The following COBL variants were observed in gnomAD, a reference collection of about 807,000 sequenced individuals.
COBL encodes the protein cordon-bleu WH2 repeat protein.
In COBL, 51 loss-of-function variants were observed where a neutral mutation model predicts 98.8. The observed-to-expected ratio is 0.52, with a 90% CI of 0.41 to 0.65. The LOEUF is 0.65. Among genes scored for constraint, COBL ranks in the 30% least tolerant of loss-of-function variants. COBL has a pLI of 0.00. For missense variants in COBL, 1,617 were observed against 1,617.5 expected, an observed-to-expected ratio of 1.00 and a Z score of 0.01; for synonymous variants, 634 against 651.7, an observed-to-expected ratio of 0.97 and a Z score of 0.41.
Position 51,115,460 on chromosome 7 carries a change from A to G in COBL, c.957+20698T>C, listed in dbSNP as rs1451216689. ...GTAGCTAGATCCCACAAATTTTAAT[A>G]TATTGTATATTTTTTCCTTCAGTTC... On this transcript the variant is annotated intron_variant, in intron 6 of 12. Transcript: ENST00000265136. Among the ~76,000 whole-genome samples, 3 of 152,068 alleles carry G rather than the reference A, an allele frequency of 2.0e-5. No individual in the cohort carries two copies. The East Asian group carries it at 5.8e-4, about 29-fold the overall frequency.
chr7:51,311,960 G>A (rs969187086), intron 1 of COBL, among the ~76,000 whole-genome samples: 2 of 151,666 alleles, frequency 1.3e-5, no homozygotes, highest in South Asian at 2.1e-4. Context: ...ATTAACCAAC[G>A]CATAAAACCT....
At chr7:51,184,286 T>C in intron 4 of COBL, 87 bp from the exon 5 acceptor site, 1 of 722,168 alleles carries the variant, frequency 1.4e-6, no homozygotes, top group Non-Finnish European at 2.2e-6. Context: ...AAATGAATCC[T>C]CTACTCTTAA....
At chr7:51,286,261 C>T (rs1800349846) in intron 1 of COBL, among the ~76,000 whole-genome samples, 3 of 148,916 alleles carry the variant, frequency 2.0e-5, no homozygotes, top group Non-Finnish European at 4.5e-5. Context: ...AAAAGCTGTA[C>T]TTCTTCATAA....
chr7:51,274,462 T>C (rs1799098834), intron 1 of COBL, among the ~76,000 whole-genome samples: 2 of 152,180 alleles, frequency 1.3e-5, no homozygotes, highest in African/African-American at 4.8e-5. Flanking sequence ...TAGTCTTTGC[T>C]TTCAAAGAAA....
intron 6 of COBL, among the ~76,000 whole-genome samples, chr7:51,116,876 TCCCATTGTTA>T: frequency 6.6e-6 from 1 of 152,274 alleles, no homozygotes; most frequent in Non-Finnish European, 1.5e-5. Flanking sequence ...TTTAAAGATG[TCCCATTGTTA>T]CCCAGATTCT....
At chr7:51,276,598 T>C (rs1425366718) in intron 1 of COBL, among the ~76,000 whole-genome samples, 2 of 152,238 alleles carry the variant, frequency 1.3e-5, no homozygotes, top group African/African-American at 4.8e-5. Context: ...CGCCAGGGAC[T>C]GCACAAGGTG....
intron 12 of COBL, among the ~76,000 whole-genome samples, chr7:51,022,169 C>T (rs896092822): frequency 9.9e-5 from 15 of 152,182 alleles, no homozygotes; most frequent in African/African-American, 3.6e-4. Context: ...AGCCAAGGAA[C>T]TCAGGGCCCA....
rs80040419 is a variant in COBL at position 51,161,171 on chromosome 7, A to G, written c.783+22931T>C. On this transcript the variant is annotated intron_variant, in intron 5 of 12. Coordinates refer to ENST00000265136, the MANE Select transcript of COBL (RefSeq NM_015198.5). ...CAGATTTGAGCTTTTCCAGGCCCAG[A>G]AAAGCTCGCGAGGGGATTTGCTGTG... is the stretch of plus-strand genomic sequence containing the variant. 8.3e-3 allele frequency among the ~76,000 whole-genome samples: 1,257 copies of G among 152,296 alleles called. 68 individuals carry two copies. In the South Asian group the frequency reaches 0.14, roughly 17 times the overall value.
In COBL at chr7:51,064,912, G is replaced by C. The variant is rs971994094; in HGVS notation, c.1096+20254C>G. On this transcript the variant is annotated intron_variant, in intron 7 of 12. Coordinates refer to ENST00000265136, the MANE Select transcript of COBL (RefSeq NM_015198.5). ...CTCCAGGGCCCTGCTGCCTGGAAAG[G>C]ATGCAGTGCGGTCTGTGGTGACGGG... The C allele has an allele frequency of 8.6e-5, 46 of 537,772 alleles. No homozygotes were observed. In the East Asian group the frequency reaches 1.3e-3, roughly 15 times the overall value. 33.3% of individuals were successfully genotyped at this position (537,772 alleles called of 1,614,324 possible).
intron 1 of COBL, among the ~76,000 whole-genome samples, chr7:51,280,483 G>A (rs1052247125): frequency 6.6e-6 from 1 of 152,210 alleles, no homozygotes; most frequent in African/African-American, 2.4e-5. Flanking sequence ...GTGGTCCCAA[G>A]AGGATGGAGT....
At chr7:51,183,840 T>C (rs551682640) in intron 5 of COBL, among the ~76,000 whole-genome samples, 42 of 152,348 alleles carry the variant, frequency 2.8e-4, no homozygotes, top group Non-Finnish European at 5.0e-4. Context: ...GAAGGGCTCA[T>C]GGCCCCGGTC....
chr7:51,088,123 A>G (rs1794458849), intron 6 of COBL, among the ~76,000 whole-genome samples: 1 of 152,086 alleles, frequency 6.6e-6, no homozygotes, highest in South Asian at 2.1e-4. Flanking sequence ...CATGATGGCA[A>G]GTGCTGGGTG....
At chr7:51,105,034 C>CAAAATTTT (rs1796134346) in intron 6 of COBL, among the ~76,000 whole-genome samples, 1 of 151,894 alleles carries the variant, frequency 6.6e-6, no homozygotes, top group African/African-American at 2.4e-5. Flanking sequence ...CGGGGTATAA[C>CAAAATTTT]CTTAAAGGAA....
chr7:51,222,268 A>G (rs1793727561), intron 1 of COBL, among the ~76,000 whole-genome samples: 1 of 152,082 alleles, frequency 6.6e-6, no homozygotes, highest in Non-Finnish European at 1.5e-5. Flanking sequence ...TCTTTTTCTT[A>G]TTAAAAGGCT....
chr7:51,146,895 T>C (rs1219611805), intron 5 of COBL, among the ~76,000 whole-genome samples: 3 of 152,104 alleles, frequency 2.0e-5, no homozygotes, highest in South Asian at 2.1e-4. Flanking sequence ...CATTGGGAAG[T>C]TGGAGAGCAG....
At chr7:51,245,963 CAA>C (rs1479162412) in intron 1 of COBL, among the ~76,000 whole-genome samples, 1 of 151,950 alleles carries the variant, frequency 6.6e-6, no homozygotes, top group African/African-American at 2.4e-5. Context: ...ATATATTATC[CAA>C]AGACTTAGTT....
intron 1 of COBL, among the ~76,000 whole-genome samples, chr7:51,293,139 GTTGT>G (rs891324115): frequency 8.5e-5 from 13 of 152,202 alleles, no homozygotes; most frequent in African/African-American, 3.1e-4. Flanking sequence ...CATTTTTGTA[GTTGT>G]TTGTTTGCTT....
At position 51,168,354 on chromosome 7, in the gene COBL, T is replaced by C. The variant is rs1293052304; in HGVS notation, c.783+15748A>G. Among the ~76,000 whole-genome samples the C allele has an allele frequency of 2.6e-5, 4 of 151,652 alleles. No individual in the cohort carries two copies. The East Asian group carries it at 7.8e-4, about 30-fold the overall frequency. On this transcript the variant is annotated intron_variant, in intron 5 of 12. Coordinates refer to ENST00000265136, the MANE Select transcript of COBL (RefSeq NM_015198.5). ...GAGAGGCTGAGGCAGGAGAATCACT[T>C]GAATCCAGAAGGTGGAGGCTGCAGT... is the stretch of plus-strand genomic sequence containing the variant.
At chr7:51,126,876 A>G (rs370988775) in intron 6 of COBL, among the ~76,000 whole-genome samples, 6 of 152,238 alleles carry the variant, frequency 3.9e-5, no homozygotes, top group African/African-American at 1.4e-4. Context: ...GTGTCACCAG[A>G]GACCTCCCTC....
Sources: gnomAD v4.1 joint callset for allele counts (sites outside exome capture counted in the v4.1 genomes callset) on GRCh38, gnomAD v4.1.1 for gene constraint, MANE v1.5 for transcripts, NCBI Gene and HGNC (gene_info 2026-07-23, HGNC 2026-07-21) for gene names.